Variants in KCNN1 observed in about 807,000 individuals in gnomAD.
KCNN1 encodes potassium calcium-activated channel subfamily N member 1, also known as small conductance calcium-activated potassium channel protein 1.
Under a neutral mutation model 44.7 loss-of-function variants are expected in KCNN1, and 20 were observed. The ratio of observed to expected loss-of-function variants is 0.45; its 90% CI spans 0.32 to 0.65. The LOEUF (loss-of-function observed/expected upper bound fraction) is 0.65. Ranked by LOEUF, KCNN1 falls within the 30% of genes least tolerant of loss-of-function variation. The pLI is 0.05. For missense variants in KCNN1, 632 were observed against 785.3 expected (o/e 0.80, Z 2.33); for synonymous variants, 324 against 341.7 (o/e 0.95, Z 0.57).
upstream of KCNN1, among the ~76,000 whole-genome samples, chr19:17,965,487 G>T (rs1320716590): frequency 2.6e-5 from 4 of 152,042 alleles, no homozygotes; most frequent in Non-Finnish European, 5.9e-5. Flanking sequence ...TTAGAAAGGG[G>T]GGCTCCTGGT....
intron 3 of KCNN1, among the ~76,000 whole-genome samples, 157 bp downstream of exon 3, chr19:17,975,344 T>C (rs1366897036): frequency 6.6e-6 from 1 of 152,210 alleles, no homozygotes; most frequent in Non-Finnish European, 1.5e-5. Flanking sequence ...GTTTCCATCA[T>C]TCTAGATTTC....
Position 17,998,849 on chromosome 19 carries a change from C to T in KCNN1, c.*443C>T, listed in dbSNP as rs900107550. The T allele has an allele frequency of 1.3e-5, 2 of 155,730 alleles. No homozygotes were observed. Among genetic ancestry groups the T allele is most frequent in the African/African-American group, 4.8e-5 (2 of 41,562 alleles). 9.6% of individuals were successfully genotyped at this position (155,730 alleles called of 1,614,324 possible). A position where few individuals can be genotyped will look rare whatever the true frequency, so the allele number is the denominator to read the frequency against. On this transcript the variant is annotated 3_prime_UTR_variant, in exon 10 of 10. Coordinates refer to ENST00000684775, the MANE Select transcript of KCNN1 (RefSeq NM_001386974.1). The surrounding 1 kb of genome is among the most constrained non-coding windows in gnomAD (Gnocchi z 5.4). The stretch of plus-strand genomic sequence containing the variant: ...AGCCTAGAATCCTAGCCTAGAAGCC[C>T]TCTCTCCCTCTGGGCTGGAGCTCAG...
chr19:17,961,490 A>G (rs538229815), intron 2 of KCNN1, among the ~76,000 whole-genome samples: 3 of 152,254 alleles, frequency 2.0e-5, no homozygotes, highest in Admixed American at 6.5e-5. Context: ...AATGGGCGTG[A>G]TCGTGCCACT....
intron 7 of KCNN1, among the ~76,000 whole-genome samples, chr19:17,991,077 G>A (rs1483377780): frequency 1.3e-5 from 2 of 151,924 alleles, no homozygotes; most frequent in African/African-American, 4.8e-5. Flanking sequence ...CACTTTGGGA[G>A]GCCAAGGAGG....
At chr19:17,991,071 T>C (rs1043398315) in intron 7 of KCNN1, among the ~76,000 whole-genome samples, 37 of 151,824 alleles carry the variant, frequency 2.4e-4, no homozygotes, top group African/African-American at 9.0e-4. Flanking sequence ...TCCCTGCACT[T>C]TGGGAGGCCA....
intron 3 of KCNN1, among the ~76,000 whole-genome samples, chr19:17,980,728 C>T (rs981149024): frequency 6.6e-6 from 1 of 151,464 alleles, no homozygotes; most frequent in East Asian, 2.0e-4. Flanking sequence ...ATAGGGAGAC[C>T]CCATCTCTAC....
upstream of KCNN1, among the ~76,000 whole-genome samples, chr19:17,962,815 T>G (rs1210209514): frequency 6.6e-6 from 1 of 150,674 alleles, no homozygotes; most frequent in Non-Finnish European, 1.5e-5. Flanking sequence ...TCAAGCGATC[T>G]TCTGCCTCAG....
In KCNN1 at chr19:17,993,003, G is replaced by A; in HGVS notation, c.1299-51G>A. 1 of 1,611,086 alleles carries A rather than the reference G, an allele frequency of 6.2e-7. No individual in the cohort carries two copies. Among genetic ancestry groups the A allele is most frequent in the East Asian group, 2.2e-5 (1 of 44,824 alleles). On this transcript the variant is annotated intron_variant, in intron 7 of 9. Transcript: ENST00000684775. The surrounding 1 kb of genome is among the most constrained non-coding windows in gnomAD (Gnocchi z 4.5). ...TGGGTACATGCCGAACAACTGTGCT[G>A]AGGTTAAAATTGCCTTGTGATTTTT...
Position 17,973,965 on chromosome 19 carries a change from C to A in KCNN1, c.77C>A (p.Pro26Gln). The A allele has an allele frequency of 6.4e-7, 1 of 1,564,400 alleles. No homozygotes were observed. Among genetic ancestry groups the A allele is most frequent in the South Asian group, 1.2e-5 (1 of 86,172 alleles). The change falls in exon 2 of 10, where the codon CCG becomes CAG. Residue 26 changes from proline to glutamine, a missense_variant. Physicochemically the swap from Pro to Gln is moderately conservative, Grantham distance 76. This residue lies in a region of KCNN1 where 235 missense variants were observed against 224.0 expected (regional missense o/e 1.05). Coordinates refer to ENST00000684775, the MANE Select transcript of KCNN1 (RefSeq NM_001386974.1). ...CCGGGCGCCCTGGGACGAGACCCTC[C>A]GGACCCTGAGGCCGGCCACCCCCCA... ...SGPGALGRDP[P>Q]DPEAGHPPQP...
upstream of KCNN1, among the ~76,000 whole-genome samples, chr19:17,965,958 C>A (rs2031791938): frequency 6.6e-6 from 1 of 152,104 alleles, no homozygotes; most frequent in South Asian, 2.1e-4. Flanking sequence ...CTGTGACTCA[C>A]CGCCACCCTC....
intron 9 of KCNN1, among the ~76,000 whole-genome samples, chr19:17,996,583 A>G (rs112028185): frequency 0.17 from 26,379 of 152,062 alleles, 2,457 homozygotes; most frequent in East Asian, 0.36. Flanking sequence ...TCCAGCCTAG[A>G]CAACAAGAGC....
At chr19:17,953,322 A>C (rs1047056322) in intron 1 of KCNN1, among the ~76,000 whole-genome samples, 8 of 152,190 alleles carry the variant, frequency 5.3e-5, no homozygotes, top group African/African-American at 1.9e-4. Flanking sequence ...GTGACCTTGG[A>C]CAAGGCCCTG....
chr19:17,990,411 A>G (rs574456797), intron 7 of KCNN1, among the ~76,000 whole-genome samples: 1 of 150,076 alleles, frequency 6.7e-6, no homozygotes, highest in Non-Finnish European at 1.5e-5. Context: ...TTGAGTCTGC[A>G]GGGTCAAGGC....
Position 17,960,787 on chromosome 19 carries a change from C to T in KCNN1, c.-82+6106C>T, listed in dbSNP as rs367848564. 6.6e-5 allele frequency among the ~76,000 whole-genome samples: 10 copies of T among 152,044 alleles called. No individual in the cohort carries two copies. The East Asian group carries it at 7.7e-4, about 12-fold the overall frequency. The stretch of plus-strand genomic sequence containing the variant: ...CTGCCTCTTCCAGCCTCTGGTGGCT[C>T]CTGGTGTTCTTTGGCTGTGTCACCC... On this transcript the variant is annotated intron_variant, in intron 2 of 10. Coordinates refer to the KCNN1 transcript ENST00000222249.
chr19:17,970,475 G>C (rs1053494106), intron 1 of KCNN1, among the ~76,000 whole-genome samples: 2 of 150,356 alleles, frequency 1.3e-5, no homozygotes, highest in African/African-American at 4.9e-5. Context: ...CCACTACCAC[G>C]CCCGGCTAAT....
At chr19:17,984,623 C>T (rs1231991916) in intron 4 of KCNN1, among the ~76,000 whole-genome samples, 1 of 152,176 alleles carries the variant, frequency 6.6e-6, no homozygotes, top group East Asian at 1.9e-4. Flanking sequence ...CCTCGGCCCG[C>T]TAGCATGGCC....
At chr19:17,966,637 C>G (rs2031817457), upstream of KCNN1, among the ~76,000 whole-genome samples, 1 of 152,154 alleles carries the variant, frequency 6.6e-6, no homozygotes, top group Non-Finnish European at 1.5e-5. Context: ...CTGGAAGGCC[C>G]TACACCTGGC....
At position 17,974,849 on chromosome 19, in the gene KCNN1, A is replaced by G. The variant is rs112008245; in HGVS notation, c.403-243A>G. ...GCTGTCAGCCCAGTCCCCAGGAATA[A>G]GGACAGGAGAGCACCGCTTCCTGAA... On this transcript the variant is annotated intron_variant, in intron 2 of 9. Coordinates refer to ENST00000684775, the MANE Select transcript of KCNN1 (RefSeq NM_001386974.1). The surrounding 1 kb of genome is among the most constrained non-coding windows in gnomAD (Gnocchi z 7.3). Among the ~76,000 whole-genome samples the G allele has an allele frequency of 0.022, 3,370 of 152,320 alleles. 119 individuals carry two copies. The highest frequency in any genetic ancestry group is 0.076 in the African/African-American group (3,164 of 41,546).
At chr19:17,976,563 C>T (rs2032213772) in intron 3 of KCNN1, among the ~76,000 whole-genome samples, 2 of 151,480 alleles carry the variant, frequency 1.3e-5, no homozygotes, top group South Asian at 4.2e-4. Flanking sequence ...GGATTACAGG[C>T]ATGTGCCACC....
Sources: gnomAD v4.1 joint callset for allele counts (sites outside exome capture counted in the v4.1 genomes callset) on GRCh38, gnomAD v4.1.1 for gene constraint, gnomAD v4.1.1 regional missense constraint, Gnocchi (gnomAD v3.1) non-coding constraint, MANE v1.5 for transcripts, NCBI Gene and HGNC (gene_info 2026-07-23, HGNC 2026-07-21) for gene names.